The following MAN1A1 variants were observed in gnomAD, a reference collection of about 807,000 sequenced individuals.
MAN1A1 encodes mannosidase alpha class 1A member 1.
A neutral mutation model predicts 70.8 loss-of-function variants in MAN1A1; 29 were observed. The observed-to-expected ratio is 0.41, with a 90% CI of 0.31 to 0.56. The LOEUF is 0.56. MAN1A1 is among the 20% of genes least tolerant of loss of function. The probability of loss-of-function intolerance (pLI) is 0.29; values close to 1 mark genes in which losing one functional copy is unlikely to be tolerated. For missense variants in MAN1A1, 747 were observed against 841.3 expected (o/e 0.89, Z 1.39); for synonymous variants, 349 against 330.1 (o/e 1.06, Z -0.62).
chr6:119,180,436 T>TAA lies in MAN1A1; in HGVS notation c.1720-10_1720-9insTT, dbSNP rs35129454. The TAA allele has an allele frequency of 0.21, 300,850 of 1,443,224 alleles. 34,089 individuals are homozygous for TAA. The highest frequency in any genetic ancestry group is 0.31 in the East Asian group (13,626 of 43,956). The allele number at this position is 1,443,224 out of a possible 1,614,324, so 89.4% of individuals were successfully genotyped here. A position where few individuals can be genotyped will look rare whatever the true frequency, so the allele number is the denominator to read the frequency against. On this transcript the variant is annotated splice_polypyrimidine_tract_variant and intron_variant, in intron 11 of 12. Transcript: ENST00000368468. ...CAATGGTTTTCCAAGGCCTAAATTATAGAGGAGGAAAAAAAAAAGTCACAT... is the reference window on the plus strand; with the variant it reads ...CAATGGTTTTCCAAGGCCTAAATTATAAAGAGGAGGAAAAAAAAAAGTCACAT...
chr6:119,350,111 C>T (rs1773867724), upstream of MAN1A1, among the ~76,000 whole-genome samples: 5 of 152,048 alleles, frequency 3.3e-5, no homozygotes, highest in South Asian at 2.1e-4. Context: ...GGTTGATCCT[C>T]GACTGGCCCG....
chr6:119,206,487 A>G (rs923574736), intron 6 of MAN1A1, among the ~76,000 whole-genome samples: 6 of 152,200 alleles, frequency 3.9e-5, no homozygotes, highest in African/African-American at 1.2e-4. Context: ...AGCAAAACCT[A>G]GAGTTTCCTC....
chr6:119,316,574 T>C (rs565678747), intron 2 of MAN1A1, among the ~76,000 whole-genome samples: 2 of 152,230 alleles, frequency 1.3e-5, no homozygotes, highest in South Asian at 2.1e-4. Flanking sequence ...TAATGTCTAA[T>C]CTCAAAAGTT....
At chr6:119,188,894 C>G (rs1773364217) in intron 10 of MAN1A1, among the ~76,000 whole-genome samples, 1 of 152,170 alleles carries the variant, frequency 6.6e-6, no homozygotes. Flanking sequence ...AACAAAAACT[C>G]TATAAATGTT....
At chr6:119,291,846 T>C (rs1772033680) in intron 4 of MAN1A1, among the ~76,000 whole-genome samples, 1 of 152,044 alleles carries the variant, frequency 6.6e-6, no homozygotes, top group African/African-American at 2.4e-5. Flanking sequence ...CAATAATAGC[T>C]TGCTTTTATT....
intron 2 of MAN1A1, among the ~76,000 whole-genome samples, chr6:119,320,225 G>A (rs1183517642): frequency 1.3e-5 from 2 of 152,112 alleles, no homozygotes; most frequent in African/African-American, 2.4e-5. Flanking sequence ...GCCTGCCTCC[G>A]CCTCCCAAAG....
chr6:119,263,081 G>C (rs143394788), intron 5 of MAN1A1, among the ~76,000 whole-genome samples: 2 of 152,228 alleles, frequency 1.3e-5, no homozygotes, highest in Non-Finnish European at 2.9e-5. Flanking sequence ...TCAAACATCA[G>C]ACTTCAAGTT....
chr6:119,234,873 C>T (rs1253625089), intron 6 of MAN1A1, among the ~76,000 whole-genome samples: 1 of 152,180 alleles, frequency 6.6e-6, no homozygotes, highest in Non-Finnish European at 1.5e-5. Context: ...TGCCATTTTT[C>T]TAACAGCCTG....
At chr6:119,294,358 A>C (rs1772138485) in intron 4 of MAN1A1, among the ~76,000 whole-genome samples, 1 of 152,096 alleles carries the variant, frequency 6.6e-6, no homozygotes, top group Non-Finnish European at 1.5e-5. Context: ...GACTTACCCT[A>C]ATGACAGAGG....
chr6:119,300,903 A>G (rs2114438966), intron 4 of MAN1A1, among the ~76,000 whole-genome samples: 1 of 152,354 alleles, frequency 6.6e-6, no homozygotes, highest in South Asian at 2.1e-4. Flanking sequence ...GAAACAAAAT[A>G]TTAAACTTTT....
intron 2 of MAN1A1, among the ~76,000 whole-genome samples, chr6:119,315,544 G>C (rs559518784): frequency 3.8e-4 from 58 of 152,172 alleles, no homozygotes; most frequent in Non-Finnish European, 7.4e-4. Context: ...GCCAAATTTT[G>C]ACATTATTTT....
At position 119,188,469 on chromosome 6, in the gene MAN1A1, T is replaced by C; in HGVS notation, c.1655A>G (p.Tyr552Cys). 1 of 1,614,052 alleles carries C rather than the reference T, an allele frequency of 6.2e-7. No homozygotes were observed. Among genetic ancestry groups the C allele is most frequent in the South Asian group, 1.1e-5 (1 of 91,070 alleles). ...YILRPEVMET[Y>C]MYMWRLTHDP... is the part of the protein sequence containing the mutation. ...ATGAGTCAGTCTCCACATATACATG[T>C]AAGTCTCCATAACTTCTGGCCGTAA... Residue 552 changes from tyrosine (Y) to cysteine (C), a missense_variant, in exon 11 of 13, where the codon TAC (tyrosine) becomes TGC (cysteine). Around this residue, in one of 2 missense-constraint regions of MAN1A1, gnomAD observed 419 missense variants for 548.2 expected, o/e 0.76. Transcript: ENST00000368468.
chr6:119,221,895 T>C (rs1284082508), intron 6 of MAN1A1, among the ~76,000 whole-genome samples: 1 of 152,220 alleles, frequency 6.6e-6, no homozygotes, highest in Non-Finnish European at 1.5e-5. Flanking sequence ...TATTTTGTTG[T>C]AGTGCCTTCA....
At chr6:119,272,280 G>A (rs1448100373) in intron 5 of MAN1A1, among the ~76,000 whole-genome samples, 3 of 152,088 alleles carry the variant, frequency 2.0e-5, no homozygotes, top group South Asian at 4.1e-4. Flanking sequence ...GTGTCCTTCC[G>A]TTTTAATAGT....
intron 6 of MAN1A1, among the ~76,000 whole-genome samples, chr6:119,241,098 T>A (rs1774991334): frequency 6.6e-6 from 1 of 152,228 alleles, no homozygotes; most frequent in South Asian, 2.1e-4. Context: ...AAATGCTTAT[T>A]TTTTCCCCTC....
intron 5 of MAN1A1, among the ~76,000 whole-genome samples, chr6:119,282,650 A>T (rs918180783): frequency 8.5e-5 from 13 of 152,186 alleles, no homozygotes; most frequent in Non-Finnish European, 1.8e-4. Flanking sequence ...TCTTATAAAA[A>T]TTTCAATAAT....
chr6:119,205,340 T>C (rs1773831016), intron 6 of MAN1A1, among the ~76,000 whole-genome samples: 1 of 152,204 alleles, frequency 6.6e-6, no homozygotes, highest in African/African-American at 2.4e-5. Context: ...TTTCAAAGAT[T>C]CACTAATTAT....
chr6:119,319,367 A>G (rs199849368), intron 2 of MAN1A1, among the ~76,000 whole-genome samples: 1 of 124,638 alleles, frequency 8.0e-6, no homozygotes, highest in Admixed American at 7.8e-5. Context: ...AAAAATAATA[A>G]TAATAATAAT....
intron 5 of MAN1A1, among the ~76,000 whole-genome samples, chr6:119,290,399 T>C (rs574815580): frequency 1.2e-4 from 18 of 152,182 alleles, no homozygotes; most frequent in African/African-American, 4.3e-4. Flanking sequence ...AATTTGTCCA[T>C]AGGCACATAT....
Sources: allele counts gnomAD v4.1 joint callset (sites outside exome capture counted in the v4.1 genomes callset), GRCh38; gene constraint gnomAD v4.1.1; regional missense constraint gnomAD v4.1.1; transcripts MANE v1.5; gene names NCBI Gene and HGNC (gene_info 2026-07-23, HGNC 2026-07-21).